PELI1: variants seen among roughly 807,000 people sequenced by gnomAD.
PELI1 encodes E3 ubiquitin-protein ligase pellino homolog 1.
In PELI1, 15 loss-of-function variants were observed where a neutral mutation model predicts 41.3. The observed-to-expected ratio is 0.36, with a 90% CI of 0.24 to 0.56. PELI1 has a LOEUF of 0.56. Ranked by LOEUF, PELI1 falls within the 20% of genes least tolerant of loss-of-function variation. The pLI is 0.82. For missense variants in PELI1, 403 were observed against 525.5 expected (o/e 0.77, Z 2.28); for synonymous variants, 178 against 180.1 (o/e 0.99, Z 0.09).
At chr2:64,123,727 C>T (rs2103722837) in intron 1 of PELI1, among the ~76,000 whole-genome samples, 1 of 152,270 alleles carries the variant, frequency 6.6e-6, no homozygotes, top group African/African-American at 2.4e-5. Context: ...CTTTGGAAAA[C>T]ACTCTGGCAG....
At chr2:64,098,184 T>C (rs1446991903) in intron 4 of PELI1, among the ~76,000 whole-genome samples, 1 of 152,194 alleles carries the variant, frequency 6.6e-6, no homozygotes, top group East Asian at 1.9e-4. Flanking sequence ...CCACCATGAA[T>C]GTGATCAGAT....
chr2:64,118,103 C>A (rs1681061800), intron 1 of PELI1, among the ~76,000 whole-genome samples: 1 of 152,106 alleles, frequency 6.6e-6, no homozygotes, highest in Non-Finnish European at 1.5e-5. Context: ...GCCACCGTGC[C>A]CGGCCCTTTT....
chr2:64,093,024 T>C lies in PELI1; in HGVS notation c.*1678A>G, dbSNP rs1381074187. On this transcript the variant is annotated 3_prime_UTR_variant, in exon 7 of 7. Coordinates refer to ENST00000358912, the MANE Select transcript of PELI1 (RefSeq NM_020651.4). Reference sequence around the variant, plus strand: ...CAATCTAGAAAACTTCAAAATCAATTACATTTCTTTGAAAAAGGGGTAACA... The same window carrying C: ...CAATCTAGAAAACTTCAAAATCAATCACATTTCTTTGAAAAAGGGGTAACA... 6.6e-6 allele frequency: 1 copy of C among 152,620 alleles called. No homozygotes were observed. The highest frequency in any genetic ancestry group is 2.4e-5 in the African/African-American group (1 of 41,458). 9.5% of individuals were successfully genotyped at this position (152,620 alleles called of 1,614,324 possible). A position where few individuals can be genotyped will look rare whatever the true frequency, so the allele number is the denominator to read the frequency against.
intron 1 of PELI1, among the ~76,000 whole-genome samples, chr2:64,114,875 T>C (rs1680939300): frequency 6.6e-6 from 1 of 152,194 alleles, no homozygotes; most frequent in South Asian, 2.1e-4. Flanking sequence ...TGCTCTAATC[T>C]TGAAGACAAC....
At chr2:64,103,580 AG>A (rs546359400) in intron 3 of PELI1, among the ~76,000 whole-genome samples, 94 of 152,316 alleles carry the variant, frequency 6.2e-4, no homozygotes, top group African/African-American at 2.2e-3. Flanking sequence ...TTCTCGCCAA[AG>A]GAGCAAAAAG....
At chr2:64,119,806 G>A (rs2103714814) in intron 1 of PELI1, among the ~76,000 whole-genome samples, 1 of 152,224 alleles carries the variant, frequency 6.6e-6, no homozygotes, top group Non-Finnish European at 1.5e-5. Context: ...AATGTCAGAA[G>A]TATAACTATG....
intron 1 of PELI1, among the ~76,000 whole-genome samples, chr2:64,124,129 G>A (rs948309792): frequency 6.6e-6 from 1 of 152,142 alleles, no homozygotes; most frequent in Non-Finnish European, 1.5e-5. Context: ...TGGTTGCCTG[G>A]GAGGGGAAAG....
intron 3 of PELI1, among the ~76,000 whole-genome samples, chr2:64,102,023 TG>T (rs1680454676): frequency 6.6e-6 from 1 of 151,992 alleles, no homozygotes; most frequent in African/African-American, 2.4e-5. Context: ...GACGGGGTTT[TG>T]CCATGTTGGC....
chr2:64,143,731 T>C (rs1233329476), intron 1 of PELI1, among the ~76,000 whole-genome samples: 4 of 152,048 alleles, frequency 2.6e-5, no homozygotes, highest in Non-Finnish European at 5.9e-5. Context: ...GCCCCTTTTG[T>C]TTCTCCCATT....
intron 1 of PELI1, 116 bp downstream of exon 1, chr2:64,143,965 G>A (rs1682015104): frequency 1.2e-3 from 1 of 810 alleles, no homozygotes; most frequent in East Asian, 0.045. Flanking sequence ...GGCGGGCGGG[G>A]AGAGCCGGCT....
rs1444932763 is a variant in PELI1 at position 64,094,591 on chromosome 2, A to C, written c.*111T>G. ...TTATAAATGTTTTAAAAAATTCTTC[A>C]TCTTAATGCAAATGACCAGAGCAGA... On this transcript the variant is annotated 3_prime_UTR_variant, in exon 7 of 7. Transcript: ENST00000358912. 1.3e-5 allele frequency: 8 copies of C among 632,346 alleles called. No individual in the cohort carries two copies. Among genetic ancestry groups the C allele is most frequent in the Non-Finnish European group, 2.1e-5 (8 of 376,510 alleles). The allele number at this position is 632,346 out of a possible 1,614,324, so 39.2% of individuals were successfully genotyped here.
intron 3 of PELI1, among the ~76,000 whole-genome samples, chr2:64,101,199 C>T (rs1229390554): frequency 6.6e-6 from 1 of 152,056 alleles, no homozygotes; most frequent in Non-Finnish European, 1.5e-5. Flanking sequence ...ATAAAGTTCA[C>T]TCATAAGCCA....
chr2:64,134,795 C>T (rs573997974), intron 1 of PELI1, among the ~76,000 whole-genome samples: 13 of 152,064 alleles, frequency 8.5e-5, no homozygotes, highest in Admixed American at 8.5e-4. Context: ...CTGCCAAGAA[C>T]CAGGAATTCA....
intron 1 of PELI1, among the ~76,000 whole-genome samples, chr2:64,126,312 C>T (rs1430277747): frequency 6.6e-6 from 1 of 152,166 alleles, no homozygotes; most frequent in Non-Finnish European, 1.5e-5. Flanking sequence ...TACAGGCACA[C>T]ACCACCATGT....
At chr2:64,112,191 C>T (rs1018888085) in intron 1 of PELI1, among the ~76,000 whole-genome samples, 2 of 152,004 alleles carry the variant, frequency 1.3e-5, no homozygotes, top group African/African-American at 2.4e-5. Flanking sequence ...AGTGTAAATG[C>T]CCGTATTTGG....
At chr2:64,115,848 T>C (rs2103706123) in intron 1 of PELI1, among the ~76,000 whole-genome samples, 1 of 152,338 alleles carries the variant, frequency 6.6e-6, no homozygotes, top group East Asian at 1.9e-4. Flanking sequence ...AAAAAAGTTA[T>C]ACTTCAGCAT....
chr2:64,113,066 C>T (rs907908081), intron 1 of PELI1, among the ~76,000 whole-genome samples: 1 of 151,868 alleles, frequency 6.6e-6, no homozygotes, highest in East Asian at 1.9e-4. Context: ...TCACTTGAGG[C>T]CAGGAGTTTG....
intron 2 of PELI1, among the ~76,000 whole-genome samples, chr2:64,105,874 C>T (rs895033344): frequency 6.6e-6 from 1 of 151,858 alleles, no homozygotes; most frequent in Non-Finnish European, 1.5e-5. Flanking sequence ...GGAAAGGAAG[C>T]AGGGAACAGG....
In PELI1 at chr2:64,094,622, T is replaced by C. The variant is rs1441356667; in HGVS notation, c.*80A>G. ...ATGCAAATGACCAGAGCAGAAAAAC[T>C]GTGACGTGGACAACAGGTTCGAAAA... is the stretch of plus-strand genomic sequence containing the variant. On this transcript the variant is annotated 3_prime_UTR_variant, in exon 7 of 7. Transcript: ENST00000358912. 1.1e-6 allele frequency: 1 copy of C among 914,784 alleles called. No individual in the cohort carries two copies. The allele number at this position is 914,784 out of a possible 1,614,324, so 56.7% of individuals were successfully genotyped here. A position where few individuals can be genotyped will look rare whatever the true frequency, so the allele number is the denominator to read the frequency against.
Sources: gnomAD v4.1 joint callset for allele counts (sites outside exome capture counted in the v4.1 genomes callset) on GRCh38, gnomAD v4.1.1 for gene constraint, MANE v1.5 for transcripts, NCBI Gene and HGNC (gene_info 2026-07-23, HGNC 2026-07-21) for gene names.